The following KCNQ1 variants were observed in gnomAD, a reference collection of about 807,000 sequenced individuals.
KCNQ1 encodes the protein potassium voltage-gated channel subfamily Q member 1.
Under a neutral mutation model 72.4 loss-of-function variants are expected in KCNQ1, and 49 were observed. That is an observed-to-expected ratio of 0.68 (90% CI 0.54 to 0.86). The LOEUF (loss-of-function observed/expected upper bound fraction) is 0.86, where lower values mean the gene tolerates loss of function less well. Among genes scored for constraint, KCNQ1 ranks in the 40% least tolerant of loss-of-function variants. The probability of loss-of-function intolerance (pLI) is 0.00; values close to 1 mark genes in which losing one functional copy is unlikely to be tolerated. For synonymous variants in KCNQ1, 450 were observed against 412.6 expected (o/e 1.09, Z -1.10); for missense variants, 790 against 945.1 (o/e 0.84, Z 2.15).
Position 2,620,211 on chromosome 11 carries a change from A to ATATTTTTTTTTTTTTTTT in KCNQ1, c.1393+31358_1393+31359insATTTTTTTTTTTTTTTTT, listed in dbSNP as rs1383035176. On this transcript the variant is annotated intron_variant, in intron 10 of 15. Transcript: ENST00000155840. The surrounding 1 kb of genome is among the most constrained non-coding windows in gnomAD (Gnocchi z 4.5). The stretch of plus-strand genomic sequence containing the variant: ...TAAGTTCATTCATGTATATATATAT[A>ATATTTTTTTTTTTTTTTT]TTTTTTTTTTTTATTTTTTTTTTAG... 1 of 252,758 alleles carries ATATTTTTTTTTTTTTTTT rather than the reference A, an allele frequency of 4.0e-6. No homozygotes were observed. Among genetic ancestry groups the ATATTTTTTTTTTTTTTTT allele is most frequent in the African/African-American group, 2.6e-5 (1 of 37,830 alleles). 15.7% of individuals were successfully genotyped at this position (252,758 alleles called of 1,614,324 possible). A position where few individuals can be genotyped will look rare whatever the true frequency, so the allele number is the denominator to read the frequency against.
rs563889139 is a variant in KCNQ1 at position 2,492,260 on chromosome 11, TACA to T, written c.387-35662_387-35660del. 2.5e-4 allele frequency among the ~76,000 whole-genome samples: 38 copies of T among 152,316 alleles called. No homozygotes were observed. In the South Asian group the frequency reaches 7.9e-3, roughly 32 times the overall value. On this transcript the variant is annotated intron_variant, in intron 1 of 15. Transcript: ENST00000155840. The surrounding 1 kb of genome is among the most constrained non-coding windows in gnomAD (Gnocchi z 4.1). Reference sequence around the variant, plus strand: ...AAAAGAAGAACTGATAAATAATGACTACAACAACTTTTGCGGTACAATAGGCAG... The same window carrying T: ...AAAAGAAGAACTGATAAATAATGACTACAACTTTTGCGGTACAATAGGCAG...
At position 2,703,161 on chromosome 11, in the gene KCNQ1, A is replaced by G. The variant is rs1042527575; in HGVS notation, c.1514+41080A>G. Among the ~76,000 whole-genome samples the G allele has an allele frequency of 2.0e-5, 3 of 152,214 alleles. No individual in the cohort carries two copies. Among genetic ancestry groups the G allele is most frequent in the Middle Eastern group, 6.8e-3 (2 of 294 alleles). ...GAGCCCAGGGCTGGCCTTGGGCACCATGGCAGAATTCTGGGAGGGGGCTGC... is the reference window on the plus strand; with the variant it reads ...GAGCCCAGGGCTGGCCTTGGGCACCGTGGCAGAATTCTGGGAGGGGGCTGC... On this transcript the variant is annotated intron_variant, in intron 11 of 15. Coordinates refer to ENST00000155840, the MANE Select transcript of KCNQ1 (RefSeq NM_000218.3). The surrounding 1 kb of genome is among the most constrained non-coding windows in gnomAD (Gnocchi z 6.4).
intron 1 of KCNQ1, among the ~76,000 whole-genome samples, chr11:2,467,592 G>T (rs895003782): frequency 1.3e-5 from 2 of 152,170 alleles, no homozygotes; most frequent in South Asian, 2.1e-4. Flanking sequence ...GCTGGGGAAG[G>T]CTGGGAGCTG....
intron 10 of KCNQ1, chr11:2,650,521 A>G (rs1188229295): frequency 1.3e-5 from 5 of 398,556 alleles, no homozygotes; most frequent in Non-Finnish European, 1.8e-5. Flanking sequence ...ACTATAATCC[A>G]CATCAGTGGT....
rs181114335 is a variant in KCNQ1 at position 2,536,387 on chromosome 11, G to A, written c.477+8369G>A. ...AGAGTTATGGAAGGAAGGGAGGCTG[G>A]GGTGGGTGCCCCGAGTGCCTTGTTG... On this transcript the variant is annotated intron_variant, in intron 2 of 15. Transcript: ENST00000155840. This position sits in a 1 kb window ranked among gnomAD's most constrained non-coding sequence, Gnocchi z 7.4. Among the ~76,000 whole-genome samples the A allele has an allele frequency of 2.3e-3, 345 of 152,226 alleles. 1 individual carries two copies. Among genetic ancestry groups the A allele is most frequent in the African/African-American group, 7.9e-3 (328 of 41,542 alleles).
In KCNQ1 at chr11:2,563,366, A is replaced by C. The variant is rs1175512040; in HGVS notation, c.478-7262A>C. ...ACTCGGAGACTAAAAATCCCAGATA[A>C]GCACCTGCTTTGCTAGACCCTTGCT... On this transcript the variant is annotated intron_variant, in intron 2 of 15. Coordinates refer to ENST00000155840, the MANE Select transcript of KCNQ1 (RefSeq NM_000218.3). This position sits in a 1 kb window ranked among gnomAD's most constrained non-coding sequence, Gnocchi z 7.4. Among the ~76,000 whole-genome samples the C allele has an allele frequency of 6.6e-6, 1 of 152,218 alleles. No individual in the cohort carries two copies. The highest frequency in any genetic ancestry group is 1.9e-4 in the East Asian group (1 of 5,202).
At chr11:2,839,564 G>T (rs1310100781) in intron 15 of KCNQ1, among the ~76,000 whole-genome samples, 1 of 152,166 alleles carries the variant, frequency 6.6e-6, no homozygotes, top group Non-Finnish European at 1.5e-5. Flanking sequence ...CGAGGTGAGG[G>T]CTGAGCCGAG....
intron 10 of KCNQ1, chr11:2,655,266 A>G (rs1290011303): frequency 5.0e-6 from 2 of 398,592 alleles, no homozygotes; most frequent in Non-Finnish European, 8.8e-6. Flanking sequence ...ACTTTCCTAG[A>G]AAACAAAATT....
intron 10 of KCNQ1, chr11:2,616,724 C>G: frequency 2.5e-6 from 1 of 398,242 alleles, no homozygotes; most frequent in Non-Finnish European, 4.4e-6. Context: ...AGATTTCTGG[C>G]CTCACTATAT....
chr11:2,770,554 C>T (rs1228519860), intron 12 of KCNQ1, among the ~76,000 whole-genome samples: 1 of 152,244 alleles, frequency 6.6e-6, no homozygotes, highest in Non-Finnish European at 1.5e-5. Flanking sequence ...CTCAGCTGGC[C>T]CTCCCACCTG....
chr11:2,551,554 C>T (rs914971059), intron 2 of KCNQ1, among the ~76,000 whole-genome samples: 5 of 152,220 alleles, frequency 3.3e-5, no homozygotes, highest in African/African-American at 1.2e-4. Context: ...TTAAAGCTGC[C>T]ATGAATATTG....
chr11:2,769,477 A>C lies in KCNQ1; in HGVS notation c.1590+558A>C, dbSNP rs1422888864. On this transcript the variant is annotated intron_variant, in intron 12 of 15. Transcript: ENST00000155840. This position sits in a 1 kb window ranked among gnomAD's most constrained non-coding sequence, Gnocchi z 4.6. ...GAGGCTGGAGCTCCAGGGCTTCCAT[A>C]AGCTGCCCTAACTTCTCCAGGGGCA... Among the ~76,000 whole-genome samples, 2 of 152,124 alleles carry C rather than the reference A, an allele frequency of 1.3e-5. No homozygotes were observed. Among genetic ancestry groups the C allele is most frequent in the African/African-American group, 4.8e-5 (2 of 41,442 alleles).
At chr11:2,810,425 CTT>C (rs1250413871) in intron 15 of KCNQ1, among the ~76,000 whole-genome samples, 1 of 152,218 alleles carries the variant, frequency 6.6e-6, no homozygotes, top group Admixed American at 6.5e-5. Flanking sequence ...TTTAATGACA[CTT>C]TGATGTCTCA....
At chr11:2,836,430 C>G (rs527459424) in intron 15 of KCNQ1, among the ~76,000 whole-genome samples, 4 of 152,136 alleles carry the variant, frequency 2.6e-5, no homozygotes, top group Non-Finnish European at 5.9e-5. Context: ...AGGGTGAGGC[C>G]GGACTGCACT....
chr11:2,773,845 GAGATGCTACC>G (rs1460438351), intron 12 of KCNQ1, among the ~76,000 whole-genome samples: 2 of 149,110 alleles, frequency 1.3e-5, no homozygotes, highest in East Asian at 4.2e-4. Flanking sequence ...CCAGGTACAA[GAGATGCTACC>G]AGATGCTAAC....
chr11:2,535,750 CCCCCTGCCTCTGGGAATCCAT>C (rs1847720980), intron 2 of KCNQ1, among the ~76,000 whole-genome samples: 1 of 152,324 alleles, frequency 6.6e-6, no homozygotes, highest in African/African-American at 2.4e-5. Flanking sequence ...TGGGACCAGG[CCCCCTGCCTCTGGGAATCCAT>C]CAAAATGCTC....
chr11:2,570,560 G>A, intron 2 of KCNQ1, 68 bp from the exon 3 acceptor site: 1 of 1,599,914 alleles, frequency 6.3e-7, no homozygotes, highest in Non-Finnish European at 8.5e-7. Flanking sequence ...GGTTCAAACA[G>A]GTTGCAGGGT....
Position 2,468,669 on chromosome 11 carries a change from T to G in KCNQ1, c.386+23185T>G, listed in dbSNP as rs1044821278. ...CTTGTGGAATTTTATTTGGATGGAC[T>G]CTGGCAGCCAACGCTGGTTTCGTCT... On this transcript the variant is annotated intron_variant, in intron 1 of 15. Transcript: ENST00000155840. This position sits in a 1 kb window ranked among gnomAD's most constrained non-coding sequence, Gnocchi z 5.7. Among the ~76,000 whole-genome samples the G allele has an allele frequency of 2.0e-5, 3 of 152,190 alleles. No homozygotes were observed. The highest frequency in any genetic ancestry group is 7.2e-5 in the African/African-American group (3 of 41,448).
At chr11:2,631,135 G>C (rs957946004) in intron 10 of KCNQ1, 5 of 398,408 alleles carry the variant, frequency 1.3e-5, no homozygotes, top group African/African-American at 6.2e-5. Flanking sequence ...AAGAGCCCCA[G>C]ATATGGGAAG....
Sources: gnomAD v4.1 joint callset for allele counts (sites outside exome capture counted in the v4.1 genomes callset) on GRCh38, gnomAD v4.1.1 for gene constraint, Gnocchi (gnomAD v3.1) non-coding constraint, MANE v1.5 for transcripts, NCBI Gene and HGNC (gene_info 2026-07-23, HGNC 2026-07-21) for gene names.